The following KRCC1 variants were observed in gnomAD, a reference collection of about 807,000 sequenced individuals.
KRCC1 encodes the protein lysine-rich coiled-coil protein 1.
Under a neutral mutation model 7.4 loss-of-function variants are expected in KRCC1, and 3 were observed. The observed-to-expected ratio is 0.40, with a 90% CI of 0.18 to 1.04. KRCC1 has a LOEUF of 1.04. KRCC1 is among the 50% of genes least tolerant of loss of function. The pLI is 0.33. For missense variants in KRCC1, 277 were observed against 300.9 expected (o/e 0.92, Z 0.59); for synonymous variants, 102 against 101.6 (o/e 1.00, Z -0.02).
At chr2:88,033,891 C>G (rs188738633) in intron 3 of KRCC1, among the ~76,000 whole-genome samples, 15 of 152,326 alleles carry the variant, frequency 9.8e-5, no homozygotes, top group African/African-American at 3.4e-4. Context: ...CAAATGTTCA[C>G]AGCAGCACTA....
intron 1 of KRCC1, among the ~76,000 whole-genome samples, chr2:88,052,192 A>T (rs1256942182): frequency 1.3e-5 from 2 of 152,116 alleles, no homozygotes; most frequent in African/African-American, 4.8e-5. Flanking sequence ...TTGCCAAATT[A>T]TTTTTTTCCA....
At chr2:88,053,688 A>T (rs1673549322) in intron 1 of KRCC1, among the ~76,000 whole-genome samples, 1 of 152,216 alleles carries the variant, frequency 6.6e-6, no homozygotes, top group South Asian at 2.1e-4. Context: ...AAAATGTTTT[A>T]AGAAATCTGC....
intron 1 of KRCC1, among the ~76,000 whole-genome samples, chr2:88,043,988 T>G (rs1673273602): frequency 1.3e-5 from 2 of 152,164 alleles, no homozygotes; most frequent in African/African-American, 4.8e-5. Flanking sequence ...CGTTACTAAT[T>G]TTATCCTCAT....
At chr2:88,045,633 G>T (rs1055514586) in intron 1 of KRCC1, among the ~76,000 whole-genome samples, 6 of 152,086 alleles carry the variant, frequency 3.9e-5, no homozygotes, top group African/African-American at 1.4e-4. Flanking sequence ...TTGACATTTT[G>T]CTTATGATAG....
chr2:88,043,670 A>T (rs1386308549), intron 1 of KRCC1, among the ~76,000 whole-genome samples: 1 of 152,212 alleles, frequency 6.6e-6, no homozygotes, highest in East Asian at 1.9e-4. Flanking sequence ...GCACTTATAC[A>T]TAGTAACTTT....
At chr2:88,053,547 A>T (rs1406583212) in intron 1 of KRCC1, among the ~76,000 whole-genome samples, 1 of 152,206 alleles carries the variant, frequency 6.6e-6, no homozygotes, top group Non-Finnish European at 1.5e-5. Context: ...TATAAAAGCA[A>T]AATAATCCAG....
intron 3 of KRCC1, among the ~76,000 whole-genome samples, chr2:88,033,004 A>G (rs1251147175): frequency 2.0e-5 from 3 of 152,224 alleles, no homozygotes; most frequent in Admixed American, 1.3e-4. Flanking sequence ...CCATTTATAT[A>G]AAACTCTAGA....
intron 1 of KRCC1, among the ~76,000 whole-genome samples, chr2:88,044,711 A>ATAAAAG (rs1673292905): frequency 6.6e-6 from 1 of 152,190 alleles, no homozygotes; most frequent in Admixed American, 6.5e-5. Context: ...AAAAATAAAA[A>ATAAAAG]TAAATGAGAT....
At position 88,027,642 on chromosome 2, in the gene KRCC1, G is replaced by A. The variant is rs1055832655; in HGVS notation, c.*142C>T. The A allele has an allele frequency of 7.7e-6, 5 of 647,946 alleles. No individual in the cohort carries two copies. The highest frequency in any genetic ancestry group is 1.3e-5 in the Non-Finnish European group (5 of 391,942). The allele number at this position is 647,946 out of a possible 1,614,324, so 40.1% of individuals were successfully genotyped here. On this transcript the variant is annotated 3_prime_UTR_variant, in exon 4 of 4. Coordinates refer to ENST00000347055, the MANE Select transcript of KRCC1 (RefSeq NM_016618.3). ...AATTTCTGTGTTGGAGAGCAAGCAT[G>A]CTAAACACTTTGTTTACTAGGCCTT...
intron 1 of KRCC1, among the ~76,000 whole-genome samples, chr2:88,054,094 G>A (rs996975684): frequency 1.3e-5 from 2 of 152,164 alleles, no homozygotes; most frequent in Non-Finnish European, 2.9e-5. Flanking sequence ...CAGACATATA[G>A]AACTATTATA....
chr2:88,048,807 C>T (rs1022963212), intron 1 of KRCC1, among the ~76,000 whole-genome samples: 2 of 152,154 alleles, frequency 1.3e-5, no homozygotes, highest in African/African-American at 4.8e-5. Flanking sequence ...TTAGTAAAGA[C>T]CACGCAGAGC....
chr2:88,031,332 A>C (rs2104604466), intron 3 of KRCC1, among the ~76,000 whole-genome samples: 1 of 152,270 alleles, frequency 6.6e-6, no homozygotes, highest in South Asian at 2.1e-4. Flanking sequence ...AAGTGAAAAA[A>C]AAAAATAGGG....
chr2:88,040,248 T>C (rs1190687523), intron 1 of KRCC1, among the ~76,000 whole-genome samples: 1 of 152,222 alleles, frequency 6.6e-6, no homozygotes, highest in African/African-American at 2.4e-5. Context: ...TCATTTTTTA[T>C]GTTAAATAGC....
At position 88,037,173 on chromosome 2, in the gene KRCC1, C is replaced by T. The variant is rs372662714; in HGVS notation, c.-290-122G>A. On this transcript the variant is annotated intron_variant, in intron 1 of 3. Coordinates refer to ENST00000347055, the MANE Select transcript of KRCC1 (RefSeq NM_016618.3). ...CTTAATTTTCTGAGTGCTTGCAAGG[C>T]TAGAGTAATAAATTTTTGCTCATTA... The T allele has an allele frequency of 5.9e-5, 9 of 152,188 alleles. No individual in the cohort carries two copies. In the South Asian group the frequency reaches 1.9e-3, roughly 32 times the overall value. 9.4% of individuals were successfully genotyped at this position (152,188 alleles called of 1,614,324 possible).
intron 1 of KRCC1, among the ~76,000 whole-genome samples, chr2:88,047,938 A>G (rs1040911882): frequency 6.6e-6 from 1 of 152,206 alleles, no homozygotes; most frequent in Non-Finnish European, 1.5e-5. Context: ...TCAGTAGCTT[A>G]CTTCTTCCTC....
intron 2 of KRCC1, among the ~76,000 whole-genome samples, chr2:88,036,078 G>A (rs962553969): frequency 1.3e-5 from 2 of 152,102 alleles, no homozygotes; most frequent in Non-Finnish European, 1.5e-5. Flanking sequence ...GAAATAAAAT[G>A]CAGTTTCTGA....
At chr2:88,035,749 C>T (rs1284046831) in intron 2 of KRCC1, among the ~76,000 whole-genome samples, 1 of 152,158 alleles carries the variant, frequency 6.6e-6, no homozygotes, top group Non-Finnish European at 1.5e-5. Context: ...TTGAATATTA[C>T]TTTATAATCC....
chr2:88,028,175 T>C lies in KRCC1; in HGVS notation c.389A>G (p.His130Arg), dbSNP rs548898378. Residue 130 changes from histidine to arginine, a missense_variant, in exon 4 of 4, where the codon CAT (histidine) becomes CGT (arginine). Coordinates refer to ENST00000347055, the MANE Select transcript of KRCC1 (RefSeq NM_016618.3). Reference protein sequence around the residue: ...FNQQEYICGSHGVEHRVYKHF... With the variant: ...FNQQEYICGSRGVEHRVYKHF... ...CTTGTAAACTCTATGTTCTACACCATGTGAGCCACAAATATATTCTTGTTG... is the reference window on the plus strand; with the variant it reads ...CTTGTAAACTCTATGTTCTACACCACGTGAGCCACAAATATATTCTTGTTG... 13 of 1,614,196 alleles carry C rather than the reference T, an allele frequency of 8.1e-6. 1 individual carries two copies. Among genetic ancestry groups the C allele is most frequent in the Middle Eastern group, 1.6e-4 (1 of 6,062 alleles).
intron 1 of KRCC1, among the ~76,000 whole-genome samples, chr2:88,041,365 G>C (rs1220316758): frequency 6.6e-6 from 1 of 152,184 alleles, no homozygotes; most frequent in East Asian, 1.9e-4. Flanking sequence ...GAGAGAAGTA[G>C]GGAGTGGAAT....
Sources: allele counts gnomAD v4.1 joint callset (sites outside exome capture counted in the v4.1 genomes callset), GRCh38; gene constraint gnomAD v4.1.1; transcripts MANE v1.5; gene names NCBI Gene and HGNC (gene_info 2026-07-23, HGNC 2026-07-21).